Variants in BICC1 observed in about 807,000 individuals in gnomAD.
BICC1 encodes protein bicaudal C homolog 1.
BICC1 carries 43 observed loss-of-function variants against 111.0 expected under a neutral mutation model. That is an observed-to-expected ratio of 0.39 (90% CI 0.30 to 0.50). BICC1 has a LOEUF of 0.50. Among genes scored for constraint, BICC1 ranks in the 20% least tolerant of loss-of-function variants. The probability of loss-of-function intolerance (pLI) is 0.88; values close to 1 mark genes in which losing one functional copy is unlikely to be tolerated. For missense variants in BICC1, 1,091 were observed against 1,203.2 expected (o/e 0.91, Z 1.38); for synonymous variants, 467 against 434.4 (o/e 1.07, Z -0.93).
chr10:58,798,469 T>C lies in BICC1; in HGVS notation c.1437T>C (p.Asn479=), dbSNP rs1406842610. 6.2e-7 allele frequency: 1 copy of C among 1,613,590 alleles called. No homozygotes were observed. Among genetic ancestry groups the C allele is most frequent in the Non-Finnish European group, 8.5e-7 (1 of 1,179,706 alleles). ...CAAACTCACTCTTGAATGCTCTTAATAGCTCAGTCAGTCCTTTGCAAAGTC... is the reference window on the plus strand; with the variant it reads ...CAAACTCACTCTTGAATGCTCTTAACAGCTCAGTCAGTCCTTTGCAAAGTC... ...TTPNSLLNAL[N]SSVSPLQSPS... Residue 479 remains asparagine (N), a synonymous_variant, in exon 11 of 21, where the codon AAT becomes AAC. Transcript: ENST00000373886.
chr10:58,712,535 T>C (rs1419918430), intron 3 of BICC1, among the ~76,000 whole-genome samples: 3 of 152,186 alleles, frequency 2.0e-5, no homozygotes, highest in Non-Finnish European at 4.4e-5. Flanking sequence ...AGATATGAGC[T>C]ATCAAACTAT....
At chr10:58,617,121 G>T (rs1203108666) in intron 1 of BICC1, among the ~76,000 whole-genome samples, 1 of 152,252 alleles carries the variant, frequency 6.6e-6, no homozygotes, top group Admixed American at 6.5e-5. Flanking sequence ...CCCAACTGTG[G>T]AAAGGAGCTG....
At chr10:58,626,055 CTTTAA>C (rs1845982199) in intron 2 of BICC1, among the ~76,000 whole-genome samples, 1 of 152,042 alleles carries the variant, frequency 6.6e-6, no homozygotes, top group African/African-American at 2.4e-5. Flanking sequence ...TATTTTAAAG[CTTTAA>C]TTTTAGTATT....
chr10:58,819,570 T>C (rs1400196841), intron 19 of BICC1, among the ~76,000 whole-genome samples: 1 of 152,176 alleles, frequency 6.6e-6, no homozygotes. Flanking sequence ...TATATCAACA[T>C]GCATTATTAC....
chr10:58,543,874 A>G (rs1843064423), intron 1 of BICC1, among the ~76,000 whole-genome samples: 1 of 149,306 alleles, frequency 6.7e-6, no homozygotes, highest in South Asian at 2.1e-4. Flanking sequence ...GCATTCTGAT[A>G]TTTTACCTGA....
chr10:58,529,959 G>GTT (rs577004070), intron 1 of BICC1, among the ~76,000 whole-genome samples: 1 of 147,594 alleles, frequency 6.8e-6, no homozygotes, highest in Non-Finnish European at 1.5e-5. Context: ...GCTTGTGAAA[G>GTT]TTTTTTTTTT....
At chr10:58,730,379 C>A (rs1751899550) in intron 3 of BICC1, among the ~76,000 whole-genome samples, 1 of 152,114 alleles carries the variant, frequency 6.6e-6, no homozygotes, top group African/African-American at 2.4e-5. Context: ...GGGTTTAGCC[C>A]CTGTGGCTAC....
chr10:58,781,962 C>CA (rs1842894929), intron 3 of BICC1, among the ~76,000 whole-genome samples: 1 of 152,090 alleles, frequency 6.6e-6, no homozygotes, highest in Non-Finnish European at 1.5e-5. Flanking sequence ...AACCACTTTC[C>CA]AAAAAAGCAC....
chr10:58,723,934 C>A (rs1841018675), intron 3 of BICC1, among the ~76,000 whole-genome samples: 1 of 152,154 alleles, frequency 6.6e-6, no homozygotes, highest in African/African-American at 2.4e-5. Context: ...AAATTAGATT[C>A]TTTAAACAAG....
chr10:58,581,822 A>C (rs1844289626), intron 1 of BICC1, among the ~76,000 whole-genome samples: 1 of 152,124 alleles, frequency 6.6e-6, no homozygotes. Context: ...GCACATGGCA[A>C]ATTTCAGAAG....
intron 10 of BICC1, 141 bp downstream of exon 10, chr10:58,796,667 C>A (rs1843364749): frequency 1.4e-6 from 1 of 737,316 alleles, no homozygotes; most frequent in Non-Finnish European, 2.1e-6. Context: ...AGCCATACAA[C>A]CTGAATCAAT....
At chr10:58,814,606 T>C (rs1589166346) in intron 18 of BICC1, among the ~76,000 whole-genome samples, 1 of 135,526 alleles carries the variant, frequency 7.4e-6, no homozygotes, top group Non-Finnish European at 1.6e-5. Flanking sequence ...CATAGTGAGA[T>C]TTCATCTCTA....
chr10:58,671,271 A>G (rs1839175593), intron 2 of BICC1, among the ~76,000 whole-genome samples: 1 of 152,224 alleles, frequency 6.6e-6, no homozygotes, highest in Non-Finnish European at 1.5e-5. Context: ...TTGTTATGAA[A>G]AAACTCTGTA....
chr10:58,559,661 G>A (rs1016535215), intron 1 of BICC1, among the ~76,000 whole-genome samples: 1 of 151,952 alleles, frequency 6.6e-6, no homozygotes, highest in Non-Finnish European at 1.5e-5. Context: ...TCCTTTTCTT[G>A]TTCCAATTCT....
intron 2 of BICC1, among the ~76,000 whole-genome samples, chr10:58,672,286 T>G (rs1000296137): frequency 6.6e-6 from 1 of 152,116 alleles, no homozygotes; most frequent in African/African-American, 2.4e-5. Flanking sequence ...CATTCTACTT[T>G]CTTCTCTCTC....
At chr10:58,790,009 C>A in intron 8 of BICC1, 76 bp downstream of exon 8, 2 of 1,487,074 alleles carry the variant, frequency 1.3e-6, no homozygotes, top group Non-Finnish European at 1.8e-6. Flanking sequence ...ATCCACTGTA[C>A]TAATGTGATA....
chr10:58,567,899 A>C (rs1564491280), intron 1 of BICC1, among the ~76,000 whole-genome samples: 1 of 152,148 alleles, frequency 6.6e-6, no homozygotes, highest in Non-Finnish European at 1.5e-5. Flanking sequence ...GTAAGTGCAG[A>C]GGCTTCAATG....
At chr10:58,711,742 G>T (rs529237048) in intron 3 of BICC1, among the ~76,000 whole-genome samples, 47 of 151,344 alleles carry the variant, frequency 3.1e-4, no homozygotes, top group African/African-American at 1.1e-3. Flanking sequence ...AGAGGAAAAT[G>T]GTCTCAGCTT....
intron 1 of BICC1, among the ~76,000 whole-genome samples, chr10:58,535,211 C>A (rs1455624962): frequency 2.6e-5 from 4 of 151,668 alleles, no homozygotes; most frequent in Admixed American, 1.3e-4. Context: ...AAAATTTAGA[C>A]ATCCAAATAA....
Sources: allele counts gnomAD v4.1 joint callset (sites outside exome capture counted in the v4.1 genomes callset), GRCh38; gene constraint gnomAD v4.1.1; transcripts MANE v1.5; gene names NCBI Gene and HGNC (gene_info 2026-07-23, HGNC 2026-07-21).